The following FAT3 variants were observed in gnomAD, a reference collection of about 807,000 sequenced individuals.
FAT3 encodes the protein protocadherin Fat 3.
In FAT3, 95 loss-of-function variants were observed where a neutral mutation model predicts 310.2. That is an observed-to-expected ratio of 0.31 (90% CI 0.26 to 0.36). The LOEUF is 0.36. Ranked by LOEUF, FAT3 falls within the 10% of genes least tolerant of loss-of-function variation. FAT3 has a pLI of 1.00. For missense variants in FAT3, 5,408 were observed against 5,715.6 expected (o/e 0.95, Z 1.74); for synonymous variants, 2,314 against 2,192.9 (o/e 1.06, Z -1.54).
At chr11:92,376,108 TAGAA>T (rs944515626) in intron 2 of FAT3, among the ~76,000 whole-genome samples, 4 of 152,128 alleles carry the variant, frequency 2.6e-5, no homozygotes, top group Middle Eastern at 3.2e-3. Context: ...CACAAATAAA[TAGAA>T]AGCATCCCCT....
At position 92,570,946 on chromosome 11, in the gene FAT3, A is replaced by G. The variant is rs1049232474; in HGVS notation, c.3607+45998A>G. Among the ~76,000 whole-genome samples, 3 of 152,262 alleles carry G rather than the reference A, an allele frequency of 2.0e-5. No individual in the cohort carries two copies. In the South Asian group the frequency reaches 6.2e-4, roughly 32 times the overall value. On this transcript the variant is annotated intron_variant, in intron 3 of 27. Transcript: ENST00000525166. ...GTGTAAGAACATGTCTCCCCATGGA[A>G]TTGCTGTGGGGATGAAATGCCTGTC...
At chr11:92,690,765 C>A (rs2135887393) in intron 3 of FAT3, among the ~76,000 whole-genome samples, 1 of 152,228 alleles carries the variant, frequency 6.6e-6, no homozygotes, top group African/African-American at 2.4e-5. Flanking sequence ...AGTGCACAGC[C>A]TGATGTCCAT....
At chr11:92,783,447 T>C (rs939530952) in intron 7 of FAT3, among the ~76,000 whole-genome samples, 1 of 142,988 alleles carries the variant, frequency 7.0e-6, no homozygotes, top group Non-Finnish European at 1.5e-5. Context: ...CAAATGTATA[T>C]AGATAAAATA....
At chr11:92,512,638 A>G (rs956714920) in intron 2 of FAT3, among the ~76,000 whole-genome samples, 2 of 147,596 alleles carry the variant, frequency 1.4e-5, no homozygotes, top group Admixed American at 6.8e-5. Flanking sequence ...TTTAAAATAT[A>G]TATATATCTT....
At chr11:92,330,149 A>T (rs1947875600) in intron 1 of FAT3, among the ~76,000 whole-genome samples, 1 of 152,230 alleles carries the variant, frequency 6.6e-6, no homozygotes, top group Non-Finnish European at 1.5e-5. Context: ...AGACCTTCAG[A>T]TGCACTAAAC....
At chr11:92,873,503 G>A (rs1356222997) in intron 22 of FAT3, among the ~76,000 whole-genome samples, 1 of 152,152 alleles carries the variant, frequency 6.6e-6, no homozygotes, top group African/African-American at 2.4e-5. Context: ...TGGCAAGCAG[G>A]GTAGAGCGTT....
intron 2 of FAT3, among the ~76,000 whole-genome samples, chr11:92,426,316 C>G (rs987865972): frequency 3.3e-5 from 5 of 152,092 alleles, no homozygotes; most frequent in Non-Finnish European, 7.4e-5. Flanking sequence ...AAAATGTTCT[C>G]CAATTATGTA....
chr11:92,729,151 C>G (rs987869173), intron 4 of FAT3, among the ~76,000 whole-genome samples: 1 of 151,986 alleles, frequency 6.6e-6, no homozygotes, highest in African/African-American at 2.4e-5. Context: ...TTGTTTTTTC[C>G]CGACTCTGCT....
At chr11:92,699,471 ATG>A (rs1358281840) in intron 4 of FAT3, among the ~76,000 whole-genome samples, 25 of 152,322 alleles carry the variant, frequency 1.6e-4, no homozygotes, top group Admixed American at 1.5e-3. Context: ...CCTTGAAACT[ATG>A]TACATCTATT....
At chr11:92,464,597 C>T (rs1182230909) in intron 2 of FAT3, among the ~76,000 whole-genome samples, 2 of 152,130 alleles carry the variant, frequency 1.3e-5, no homozygotes, top group African/African-American at 2.4e-5. Context: ...TGCATGGGAA[C>T]AGCATAGGAA....
chr11:92,735,057 A>G (rs757828014), intron 4 of FAT3, among the ~76,000 whole-genome samples: 4 of 152,174 alleles, frequency 2.6e-5, no homozygotes, highest in Admixed American at 1.3e-4. Flanking sequence ...ATAAACAGGC[A>G]AAGAGGATTC....
intron 3 of FAT3, among the ~76,000 whole-genome samples, chr11:92,575,130 C>G (rs1239836288): frequency 2.6e-5 from 4 of 152,060 alleles, no homozygotes; most frequent in African/African-American, 9.7e-5. Flanking sequence ...CCTGTTGTTT[C>G]ACTAATATCT....
At chr11:92,377,953 A>G (rs752738088) in intron 2 of FAT3, among the ~76,000 whole-genome samples, 7 of 152,266 alleles carry the variant, frequency 4.6e-5, no homozygotes, top group Non-Finnish European at 7.4e-5. Context: ...TTGTGGTTCA[A>G]AGCTTTGAAT....
At chr11:92,847,905 G>A (rs1375840414) in intron 19 of FAT3, among the ~76,000 whole-genome samples, 3 of 148,712 alleles carry the variant, frequency 2.0e-5, no homozygotes, top group Non-Finnish European at 4.4e-5. Flanking sequence ...TTCAATAAAT[G>A]CCCCTCCCCC....
intron 2 of FAT3, among the ~76,000 whole-genome samples, chr11:92,413,239 T>G (rs1950335769): frequency 6.6e-6 from 1 of 152,172 alleles, no homozygotes; most frequent in South Asian, 2.1e-4. Flanking sequence ...AAAACATGTT[T>G]GTTGAAGCAT....
At chr11:92,315,512 T>TATATAG (rs1353970811) in intron 1 of FAT3, among the ~76,000 whole-genome samples, 111 of 56,164 alleles carry the variant, frequency 2.0e-3, no homozygotes, top group South Asian at 5.8e-3. Flanking sequence ...TATATATATA[T>TATATAG]AGAGAGAGAG....
Position 92,798,117 on chromosome 11 carries a change from A to G in FAT3, c.5104A>G (p.Ile1702Val), listed in dbSNP as rs980523651. 2 of 1,613,932 alleles carry G rather than the reference A, an allele frequency of 1.2e-6. No individual in the cohort carries two copies. The highest frequency in any genetic ancestry group is 1.7e-6 in the Non-Finnish European group (2 of 1,179,874). ...LISAISQSTL[I>V]YEVKDGDING... ...CTCTGCCATCAGTCAATCTACCCTC[A>G]TTTATGAAGTCAAAGATGGAGACAT... is the stretch of plus-strand genomic sequence containing the variant. Residue 1702 changes from isoleucine to valine, a missense_variant, in exon 10 of 28, where the codon ATT (isoleucine) becomes GTT (valine). Ile to Val is a conservative substitution (Grantham distance 29). Transcript: ENST00000525166.
At chr11:92,778,701 CT>C (rs1242793102) in intron 7 of FAT3, among the ~76,000 whole-genome samples, 2 of 151,890 alleles carry the variant, frequency 1.3e-5, no homozygotes, top group Non-Finnish European at 2.9e-5. Flanking sequence ...CTCCTTAACA[CT>C]TTTTTTTCAG....
At chr11:92,772,340 C>G (rs947122068) in intron 6 of FAT3, among the ~76,000 whole-genome samples, 2 of 152,040 alleles carry the variant, frequency 1.3e-5, no homozygotes, top group African/African-American at 4.8e-5. Flanking sequence ...TCAGAATGTA[C>G]CGCTTAATAG....
Sources: gnomAD v4.1 joint callset for allele counts (sites outside exome capture counted in the v4.1 genomes callset) on GRCh38, gnomAD v4.1.1 for gene constraint, MANE v1.5 for transcripts, NCBI Gene and HGNC (gene_info 2026-07-23, HGNC 2026-07-21) for gene names.